BIRC3: variants seen among roughly 807,000 people sequenced by gnomAD.
BIRC3 encodes baculoviral IAP repeat-containing protein 3.
In BIRC3, 26 loss-of-function variants were observed where a neutral mutation model predicts 59.0. The observed-to-expected ratio is 0.44, with a 90% CI of 0.32 to 0.61. The LOEUF (loss-of-function observed/expected upper bound fraction) is 0.61, where lower values mean the gene tolerates loss of function less well. Ranked by LOEUF, BIRC3 falls within the 20% of genes least tolerant of loss-of-function variation. BIRC3 has a pLI of 0.04. For synonymous variants in BIRC3, 243 were observed against 249.2 expected (o/e 0.98, Z 0.24); for missense variants, 641 against 711.5 (o/e 0.90, Z 1.13).
At position 102,337,277 on chromosome 11, in the gene BIRC3, G is replaced by A; in HGVS notation, c.*175G>A. ...AAACCATATGAACATATATTTTTTA[G>A]AAACTAAGAGAATGATAGGCTTTTG... On this transcript the variant is annotated 3_prime_UTR_variant, in exon 9 of 9. Coordinates refer to ENST00000263464, the MANE Select transcript of BIRC3 (RefSeq NM_001165.5). 1 of 437,608 alleles carries A rather than the reference G, an allele frequency of 2.3e-6. No homozygotes were observed. The highest frequency in any genetic ancestry group is 3.8e-6 in the Non-Finnish European group (1 of 260,644). The allele number at this position is 437,608 out of a possible 1,614,324, so 27.1% of individuals were successfully genotyped here.
At chr11:102,318,045 C>T (rs1591517135) in intron 1 of BIRC3, among the ~76,000 whole-genome samples, 1 of 152,274 alleles carries the variant, frequency 6.6e-6, no homozygotes, top group Non-Finnish European at 1.5e-5. Flanking sequence ...CCTAGTAGTG[C>T]TCTTACTCTG....
chr11:102,324,657 C>A lies in BIRC3; in HGVS notation c.148C>A (p.Leu50Ile), dbSNP rs978016131. 2 of 1,614,184 alleles carry A rather than the reference C, an allele frequency of 1.2e-6. No homozygotes were observed. The highest frequency in any genetic ancestry group is 1.7e-6 in the Non-Finnish European group (2 of 1,180,024). Residue 50 changes from leucine (L) to isoleucine (I), a missense_variant, in exon 2 of 9, where the codon CTT becomes ATT. Physicochemically the swap from Leu to Ile is conservative, Grantham distance 5. Around this residue, in one of 4 missense-constraint regions of BIRC3, gnomAD observed 329 missense variants for 365.6 expected, o/e 0.90. Transcript: ENST00000263464. ...TGGGGTTCCTGTCTCAGAAAGGAGTCTTGCTCGTGCTGGTTTCTATTACAC... is the reference window on the plus strand; with the variant it reads ...TGGGGTTCCTGTCTCAGAAAGGAGTATTGCTCGTGCTGGTTTCTATTACAC... Reference protein sequence around the residue: ...PAGVPVSERSLARAGFYYTGV... With the variant: ...PAGVPVSERSIARAGFYYTGV...
At position 102,325,965 on chromosome 11, in the gene BIRC3, T is replaced by C. The variant is rs530942086; in HGVS notation, c.953+400T>C. ...TAAATGTATATGATACATATACATA[T>C]AGAAATAAATACATATACATATAGA... On this transcript the variant is annotated intron_variant, in intron 3 of 8. Coordinates refer to ENST00000263464, the MANE Select transcript of BIRC3 (RefSeq NM_001165.5). 2.6e-5 allele frequency among the ~76,000 whole-genome samples: 4 copies of C among 152,238 alleles called. No individual in the cohort carries two copies. The East Asian group carries it at 7.7e-4, about 29-fold the overall frequency.
In BIRC3 at chr11:102,324,725, G is replaced by C. The variant is rs140520103; in HGVS notation, c.216G>C (p.Met72Ile). Residue 72 changes from methionine (M) to isoleucine (I), a missense_variant, in exon 2 of 9, where the codon ATG becomes ATC. Around this residue, in one of 4 missense-constraint regions of BIRC3, gnomAD observed 329 missense variants for 365.6 expected, o/e 0.90. Transcript: ENST00000263464. ...DKVKCFCCGLMLDNWKRGDSP... is the reference protein window; with the variant it reads ...DKVKCFCCGLILDNWKRGDSP... ...TCAAATGCTTCTGTTGTGGCCTGAT[G>C]CTGGATAACTGGAAAAGAGGAGACA... The C allele has an allele frequency of 5.0e-6, 8 of 1,614,190 alleles. No homozygotes were observed. Among genetic ancestry groups the C allele is most frequent in the Non-Finnish European group, 6.8e-6 (8 of 1,180,034 alleles).
In BIRC3 at chr11:102,325,242, T is replaced by C; in HGVS notation, c.733T>C (p.Tyr245His). Reference sequence around the variant, plus strand: ...AAATCAGCTTCAAGACACTTCAAGATACACAGTTTCTAATCTGAGCATGCA... The same window carrying C: ...AAATCAGCTTCAAGACACTTCAAGACACACAGTTTCTAATCTGAGCATGCA... ...IENQLQDTSR[Y>H]TVSNLSMQTH... is the part of the protein sequence containing the mutation. Residue 245 changes from tyrosine (Y) to histidine (H), a missense_variant, in exon 2 of 9, where the codon TAC becomes CAC. This residue lies in a region of BIRC3 where 329 missense variants were observed against 365.6 expected (regional missense o/e 0.90). Coordinates refer to ENST00000263464, the MANE Select transcript of BIRC3 (RefSeq NM_001165.5). 3 of 1,614,146 alleles carry C rather than the reference T, an allele frequency of 1.9e-6. No homozygotes were observed. The highest frequency in any genetic ancestry group is 2.5e-6 in the Non-Finnish European group (3 of 1,180,006).
rs1950980943 is a variant in BIRC3, at chr11:102,317,551, T to C, written c.-2694T>C. On this transcript the variant is annotated 5_prime_UTR_variant, in exon 1 of 9. Transcript: ENST00000263464. The stretch of plus-strand genomic sequence containing the variant: ...GGGCTTGTCCTTGCTGGTGCATGCG[T>C]CGTCGGCCTCTGGGCAGCAGGTGGG... The C allele has an allele frequency of 6.5e-6, 1 of 153,180 alleles. No homozygotes were observed. Among genetic ancestry groups the C allele is most frequent in the African/African-American group, 2.4e-5 (1 of 41,452 alleles). 9.5% of individuals were successfully genotyped at this position (153,180 alleles called of 1,614,324 possible).
At chr11:102,321,598 A>ACC in intron 1 of BIRC3, among the ~76,000 whole-genome samples, 1 of 152,162 alleles carries the variant, frequency 6.6e-6, no homozygotes, top group Non-Finnish European at 1.5e-5. Flanking sequence ...CAAGTGATCC[A>ACC]CTTGTCTTGG....
At position 102,328,108 on chromosome 11, in the gene BIRC3, G is replaced by C. The variant is rs921649894; in HGVS notation, c.1010G>C (p.Ser337Thr). The change falls in exon 4 of 9, where the codon AGT becomes ACT. Residue 337 changes from serine (S) to threonine (T), a missense_variant. Transcript: ENST00000263464. ...GAGTTCATCCGTCAAGTTCAAGCCA[G>C]TTACCCTCATCTACTTGAACAGGTA... is the stretch of plus-strand genomic sequence containing the variant. Reference protein sequence around the residue: ...GQEFIRQVQASYPHLLEQLLS... With the variant: ...GQEFIRQVQATYPHLLEQLLS... 1.9e-6 allele frequency: 3 copies of C among 1,608,744 alleles called. No homozygotes were observed. Among genetic ancestry groups the C allele is most frequent in the Admixed American group, 3.4e-5 (2 of 58,800 alleles).
rs1951064037 is a variant in BIRC3, at chr11:102,324,748, A to C, written c.239A>C (p.Asp80Ala). ...GLMLDNWKRG[D>A]SPTEKHKKLY... ...ATGCTGGATAACTGGAAAAGAGGAG[A>C]CAGTCCTACTGAAAAGCATAAAAAG... The change falls in exon 2 of 9, where the codon GAC (aspartate) becomes GCC (alanine). Residue 80 changes from aspartate to alanine, a missense_variant. Asp to Ala is a moderately radical substitution (Grantham distance 126). Around this residue, in one of 4 missense-constraint regions of BIRC3, gnomAD observed 329 missense variants for 365.6 expected, o/e 0.90. Transcript: ENST00000263464. 6.2e-7 allele frequency: 1 copy of C among 1,614,074 alleles called. No homozygotes were observed. The highest frequency in any genetic ancestry group is 8.5e-7 in the Non-Finnish European group (1 of 1,180,048).
chr11:102,334,615 G>T (rs1234346197), intron 6 of BIRC3, among the ~76,000 whole-genome samples: 2 of 152,070 alleles, frequency 1.3e-5, no homozygotes, highest in African/African-American at 4.8e-5. Flanking sequence ...AGATAGCTCA[G>T]CCTCTGTCAT....
Position 102,331,226 on chromosome 11 carries a change from G to A in BIRC3, c.1309G>A (p.Glu437Lys). 6.2e-7 allele frequency: 1 copy of A among 1,607,534 alleles called. No individual in the cohort carries two copies. The highest frequency in any genetic ancestry group is 1.7e-5 in the Admixed American group (1 of 58,370). The change falls in exon 6 of 9, where the codon GAG (glutamate) becomes AAG (lysine). Residue 437 changes from glutamate (E) to lysine (K), a missense_variant. Physicochemically the swap from Glu to Lys is moderately conservative, Grantham distance 56. Coordinates refer to ENST00000263464, the MANE Select transcript of BIRC3 (RefSeq NM_001165.5). ...IREEERERAT[E>K]EKESNDLLLI... ...GGAAGAGGAGAGAGAAAGAGCAACTGAGGAAAAAGAATCAAGTATGTAGAT... is the reference window on the plus strand; with the variant it reads ...GGAAGAGGAGAGAGAAAGAGCAACTAAGGAAAAAGAATCAAGTATGTAGAT...
At chr11:102,326,857 C>A (rs374376319) in intron 3 of BIRC3, 23 of 437,992 alleles carry the variant, frequency 5.3e-5, no homozygotes, top group African/African-American at 4.5e-4. Flanking sequence ...TACAGGTGCA[C>A]GCTAGCATGC....
intron 7 of BIRC3, 146 bp downstream of exon 7, chr11:102,336,366 T>G (rs1591526060): frequency 1.1e-6 from 1 of 933,494 alleles, no homozygotes; most frequent in South Asian, 1.9e-5. Context: ...CTGAGGCAGG[T>G]GGATTGCTTG....
rs946939716 is a variant in BIRC3 at position 102,336,707 on chromosome 11, G to T, written c.1580-53G>T. On this transcript the variant is annotated intron_variant, in intron 7 of 8. Coordinates refer to ENST00000263464, the MANE Select transcript of BIRC3 (RefSeq NM_001165.5). ...GTTCATTTTTAAAATAGATTCCATAGCTAAATATTAACCTTATTTGTCATA... is the reference window on the plus strand; with the variant it reads ...GTTCATTTTTAAAATAGATTCCATATCTAAATATTAACCTTATTTGTCATA... The T allele has an allele frequency of 2.0e-6, 3 of 1,527,142 alleles. No homozygotes were observed. In the African/African-American group the frequency reaches 4.2e-5, roughly 21 times the overall value. 94.6% of individuals were successfully genotyped at this position (1,527,142 alleles called of 1,614,324 possible).
Position 102,323,101 on chromosome 11 carries a change from T to A in BIRC3, c.-1409T>A. ...ATCCACTATCAGAGTAGATTTGATG[T>A]TGGCTTCAGAAACATTTAGAAAAAC... is the stretch of plus-strand genomic sequence containing the variant. On this transcript the variant is annotated 5_prime_UTR_variant, in exon 2 of 9. The change creates a new upstream start codon in the 5' untranslated region. Coordinates refer to ENST00000263464, the MANE Select transcript of BIRC3 (RefSeq NM_001165.5). 5.0e-6 allele frequency: 1 copy of A among 198,592 alleles called. No homozygotes were observed. The highest frequency in any genetic ancestry group is 1.0e-5 in the Non-Finnish European group (1 of 95,988). The allele number at this position is 198,592 out of a possible 1,614,324, so 12.3% of individuals were successfully genotyped here.
At position 102,318,832 on chromosome 11, in the gene BIRC3, A is replaced by G. The variant is rs17883897; in HGVS notation, c.-2674+1261A>G. ...ACATTTCTAAGAGGAAGTGTGTCCC[A>G]GTGTCAGATGCAAACATTTCCATTG... On this transcript the variant is annotated intron_variant, in intron 1 of 8. Transcript: ENST00000263464. Among the ~76,000 whole-genome samples, 822 of 152,342 alleles carry G rather than the reference A, an allele frequency of 5.4e-3. 2 individuals are homozygous for G. Among genetic ancestry groups the G allele is most frequent in the Non-Finnish European group, 8.9e-3 (608 of 68,032 alleles).
In BIRC3 at chr11:102,337,261, G is replaced by A; in HGVS notation, c.*159G>A. ...ATTTATATATGTATCTAAACCATAT[G>A]AACATATATTTTTTAGAAACTAAGA... On this transcript the variant is annotated 3_prime_UTR_variant, in exon 9 of 9. Transcript: ENST00000263464. The A allele has an allele frequency of 2.1e-6, 1 of 479,892 alleles. No individual in the cohort carries two copies. The highest frequency in any genetic ancestry group is 3.4e-6 in the Non-Finnish European group (1 of 298,046). 29.7% of individuals were successfully genotyped at this position (479,892 alleles called of 1,614,324 possible). A position where few individuals can be genotyped will look rare whatever the true frequency, so the allele number is the denominator to read the frequency against.
Position 102,337,070 on chromosome 11 carries a change from A to G in BIRC3, c.1783A>G (p.Ile595Val), listed in dbSNP as rs1951204333. ...LRKCPICRST[I>V]KGTVRTFLS ...AAAGTGTCCTATTTGTAGGAGTACA[A>G]TCAAGGGTACAGTTCGTACATTTCT... is the stretch of plus-strand genomic sequence containing the variant. The change falls in exon 9 of 9, where the codon ATC becomes GTC. Residue 595 changes from isoleucine to valine, a missense_variant. Ile to Val is a conservative substitution (Grantham distance 29, BLOSUM62 3). This residue lies in a region of BIRC3 where 41 missense variants were observed against 73.4 expected (regional missense o/e 0.56). Coordinates refer to ENST00000263464, the MANE Select transcript of BIRC3 (RefSeq NM_001165.5). The G allele has an allele frequency of 6.3e-7, 1 of 1,577,418 alleles. No homozygotes were observed.
rs931049837 is a variant in BIRC3, at chr11:102,339,313, T to C, written c.*2211T>C. 6.5e-5 allele frequency: 12 copies of C among 184,058 alleles called. No individual in the cohort carries two copies. Among genetic ancestry groups the C allele is most frequent in the Non-Finnish European group, 1.2e-4 (10 of 86,772 alleles). 11.4% of individuals were successfully genotyped at this position (184,058 alleles called of 1,614,324 possible). A position where few individuals can be genotyped will look rare whatever the true frequency, so the allele number is the denominator to read the frequency against. On this transcript the variant is annotated 3_prime_UTR_variant, in exon 9 of 9. Transcript: ENST00000263464. ...TTCTCATTATGGTAATAAATAGCTA[T>C]TATAACCAACCCATTTATTCAAATA...
Sources: gnomAD v4.1 joint callset for allele counts (sites outside exome capture counted in the v4.1 genomes callset) on GRCh38, gnomAD v4.1.1 for gene constraint, gnomAD v4.1.1 regional missense constraint, MANE v1.5 for transcripts, NCBI Gene and HGNC (gene_info 2026-07-23, HGNC 2026-07-21) for gene names.